The following CACNA2D1 variants were observed in gnomAD, a reference collection of about 807,000 sequenced individuals.
CACNA2D1 encodes the protein voltage-dependent calcium channel subunit alpha-2/delta-1.
In CACNA2D1, 53 loss-of-function variants were observed where a neutral mutation model predicts 171.5. The ratio of observed to expected loss-of-function variants is 0.31; its 90% CI spans 0.25 to 0.39. The LOEUF is 0.39. Ranked by LOEUF, CACNA2D1 falls within the 10% of genes least tolerant of loss-of-function variation. The pLI, the probability that CACNA2D1 is intolerant of heterozygous loss-of-function variation, is 1.00. For missense variants in CACNA2D1, 903 were observed against 1,299.8 expected (o/e 0.69, Z 4.69); for synonymous variants, 442 against 443.1 (o/e 1.00, Z 0.03).
At chr7:82,185,353 CTG>C (rs1376164814) in intron 3 of CACNA2D1, among the ~76,000 whole-genome samples, 1 of 149,884 alleles carries the variant, frequency 6.7e-6, no homozygotes, top group Non-Finnish European at 1.5e-5. Flanking sequence ...GAGGTTAGGG[CTG>C]TGTGGCAGAA....
intron 3 of CACNA2D1, among the ~76,000 whole-genome samples, chr7:82,284,747 A>G (rs971284018): frequency 6.6e-6 from 1 of 152,070 alleles, no homozygotes; most frequent in African/African-American, 2.4e-5. Flanking sequence ...ACCTCATAAT[A>G]CCATCACCTT....
chr7:81,955,027 A>AT lies in CACNA2D1; in HGVS notation c.3159+4247dup, dbSNP rs1305803270. 2.8e-4 allele frequency among the ~76,000 whole-genome samples: 43 copies of AT among 152,302 alleles called. 2 individuals are homozygous for AT. In the South Asian group the frequency reaches 8.9e-3, roughly 32 times the overall value. ...AATATGCTTTATAAATTGGGTTTGC[A>AT]TAAAATAATAAATTTCTCAATGGAC... On this transcript the variant is annotated intron_variant, in intron 38 of 38. Transcript: ENST00000356860.
chr7:82,070,646 C>A (rs1395969167), intron 7 of CACNA2D1, among the ~76,000 whole-genome samples: 2 of 152,092 alleles, frequency 1.3e-5, no homozygotes, highest in Admixed American at 6.6e-5. Flanking sequence ...CTGGAAGTGA[C>A]ACATATTACT....
intron 31 of CACNA2D1, among the ~76,000 whole-genome samples, chr7:81,966,135 A>G (rs1794687869): frequency 6.6e-6 from 1 of 151,792 alleles, no homozygotes; most frequent in African/African-American, 2.4e-5. Context: ...CATATTTTAG[A>G]TTAAAAATAT....
At chr7:82,224,415 GTC>G (rs1425373714) in intron 3 of CACNA2D1, among the ~76,000 whole-genome samples, 5 of 151,762 alleles carry the variant, frequency 3.3e-5, no homozygotes, top group Non-Finnish European at 5.9e-5. Context: ...GTGAAACTTC[GTC>G]TCTACTAAAA....
rs552994743 is a variant in CACNA2D1 at position 82,141,543 on chromosome 7, T to C, written c.355-4867A>G. 1.2e-4 allele frequency among the ~76,000 whole-genome samples: 19 copies of C among 152,190 alleles called. No homozygotes were observed. The South Asian group carries it at 2.3e-3, about 18-fold the overall frequency. On this transcript the variant is annotated intron_variant, in intron 4 of 38. Coordinates refer to ENST00000356860, the MANE Select transcript of CACNA2D1 (RefSeq NM_000722.4). ...ACAACAATCGGGGGAGCCACACCAC[T>C]CATTCAACAATTATTTTGGCAACCT... is the stretch of plus-strand genomic sequence containing the variant.
intron 2 of CACNA2D1, among the ~76,000 whole-genome samples, chr7:82,340,911 ACT>A (rs1240266500): frequency 6.6e-6 from 1 of 152,118 alleles, no homozygotes; most frequent in Admixed American, 6.6e-5. Flanking sequence ...TTCTAATTCC[ACT>A]CTCTATTGGG....
chr7:82,074,024 A>C (rs984354051), intron 7 of CACNA2D1, among the ~76,000 whole-genome samples: 3 of 152,230 alleles, frequency 2.0e-5, no homozygotes, highest in Admixed American at 1.3e-4. Flanking sequence ...CAAAAAAATT[A>C]AAAGTGGAGA....
At chr7:82,223,116 G>C (rs917406104) in intron 3 of CACNA2D1, among the ~76,000 whole-genome samples, 6 of 152,000 alleles carry the variant, frequency 3.9e-5, no homozygotes, top group African/African-American at 1.4e-4. Context: ...ATGTTGGCCA[G>C]GCTGGTCTCG....
intron 3 of CACNA2D1, among the ~76,000 whole-genome samples, chr7:82,172,780 C>T (rs1796171078): frequency 6.8e-6 from 1 of 146,180 alleles, no homozygotes; most frequent in African/African-American, 2.6e-5. Context: ...AATCTTCCCC[C>T]ATTTAAAAAA....
At chr7:82,151,911 C>T (rs890612725) in intron 4 of CACNA2D1, among the ~76,000 whole-genome samples, 1 of 152,062 alleles carries the variant, frequency 6.6e-6, no homozygotes, top group African/African-American at 2.4e-5. Context: ...TTTACAGACA[C>T]AATTCCCTCT....
At chr7:82,174,628 CAG>C (rs1796376265) in intron 3 of CACNA2D1, among the ~76,000 whole-genome samples, 1 of 151,954 alleles carries the variant, frequency 6.6e-6, no homozygotes, top group African/African-American at 2.4e-5. Context: ...TATATGAAGA[CAG>C]AGTAATATCA....
At chr7:81,958,826 G>C (rs1793745610) in intron 38 of CACNA2D1, among the ~76,000 whole-genome samples, 1 of 151,336 alleles carries the variant, frequency 6.6e-6, no homozygotes, top group Non-Finnish European at 1.5e-5. Context: ...GTAATAATAA[G>C]ACAATGGCTG....
In CACNA2D1 at chr7:82,267,853, C is replaced by T. The variant is rs182623717; in HGVS notation, c.294+67282G>A. Among the ~76,000 whole-genome samples, 8 of 152,090 alleles carry T rather than the reference C, an allele frequency of 5.3e-5. No individual in the cohort carries two copies. The East Asian group carries it at 7.8e-4, about 15-fold the overall frequency. On this transcript the variant is annotated intron_variant, in intron 3 of 38. Transcript: ENST00000356860. ...ACTAAAAATACAAAAAGAAATTAGC[C>T]GGGCGTGGTGGCGGGTGCCTGTAGT...
At chr7:82,314,484 CAAAT>C (rs1239912293) in intron 3 of CACNA2D1, among the ~76,000 whole-genome samples, 1 of 152,058 alleles carries the variant, frequency 6.6e-6, no homozygotes, top group African/African-American at 2.4e-5. Flanking sequence ...GCACAGCAAA[CAAAT>C]GTTTTAAATA....
At chr7:82,078,806 C>A (rs1034113176) in intron 7 of CACNA2D1, among the ~76,000 whole-genome samples, 2 of 151,934 alleles carry the variant, frequency 1.3e-5, no homozygotes, top group African/African-American at 4.8e-5. Context: ...TACAAAGTGA[C>A]GGTGATGACA....
At chr7:82,277,094 C>T (rs574400056) in intron 3 of CACNA2D1, among the ~76,000 whole-genome samples, 2 of 152,040 alleles carry the variant, frequency 1.3e-5, no homozygotes, top group African/African-American at 4.8e-5. Flanking sequence ...ATTTAGAGAT[C>T]GTTCAAAACG....
At chr7:81,977,851 G>A (rs1055983621) in intron 24 of CACNA2D1, among the ~76,000 whole-genome samples, 9 of 152,050 alleles carry the variant, frequency 5.9e-5, no homozygotes, top group Non-Finnish European at 1.0e-4. Flanking sequence ...TCTGACAAAA[G>A]GCTAATATCC....
intron 4 of CACNA2D1, among the ~76,000 whole-genome samples, chr7:82,157,848 A>T (rs2129125747): frequency 6.6e-6 from 1 of 152,172 alleles, no homozygotes; most frequent in African/African-American, 2.4e-5. Context: ...TTCAAATAAA[A>T]GTATGAAAAG....
Sources: allele counts gnomAD v4.1 joint callset (sites outside exome capture counted in the v4.1 genomes callset), GRCh38; gene constraint gnomAD v4.1.1; transcripts MANE v1.5; gene names NCBI Gene and HGNC (gene_info 2026-07-23, HGNC 2026-07-21).